The following NXNL2 variants were observed in gnomAD, a reference collection of about 807,000 sequenced individuals.
NXNL2 encodes nucleoredoxin-like protein 2.
Under a neutral mutation model 11.1 loss-of-function variants are expected in NXNL2, and 7 were observed. That is an observed-to-expected ratio of 0.63 (90% CI 0.36 to 1.18). The LOEUF (loss-of-function observed/expected upper bound fraction) is 1.18. Among genes scored for constraint, NXNL2 ranks in the 50% most tolerant of loss-of-function variants. The probability of loss-of-function intolerance (pLI) is 0.02; values close to 1 mark genes in which losing one functional copy is unlikely to be tolerated. For missense variants in NXNL2, 233 were observed against 217.7 expected (o/e 1.07, Z -0.44); for synonymous variants, 109 against 101.8 (o/e 1.07, Z -0.42).
At position 88,537,032 on chromosome 9, in the gene NXNL2, A is replaced by G. The variant is rs894929355; in HGVS notation, c.302+1296A>G. On this transcript the variant is annotated intron_variant, in intron 1 of 1. Transcript: ENST00000375854. ...GAAAGCGAGAGACGATGGCAGTATC[A>G]TTATAGTAATTAGGCACAAAGCTCT... Among the ~76,000 whole-genome samples, 5 of 152,252 alleles carry G rather than the reference A, an allele frequency of 3.3e-5. No homozygotes were observed. The South Asian group carries it at 8.3e-4, about 25-fold the overall frequency.
At chr9:88,577,589 C>T (rs1386074713), downstream of NXNL2, among the ~76,000 whole-genome samples, 5 of 151,218 alleles carry the variant, frequency 3.3e-5, no homozygotes, top group African/African-American at 1.2e-4. Context: ...TGTGTCCTCA[C>T]ATGGCCTTTC....
intron 2 of NXNL2, among the ~76,000 whole-genome samples, chr9:88,574,208 GA>G (rs1218980219): frequency 6.6e-6 from 1 of 152,176 alleles, no homozygotes; most frequent in Non-Finnish European, 1.5e-5. Flanking sequence ...TCAAACACTG[GA>G]AGCAACCCAT....
intron 1 of NXNL2, among the ~76,000 whole-genome samples, chr9:88,560,555 G>A (rs553023952): frequency 6.6e-4 from 100 of 151,998 alleles, no homozygotes; most frequent in Non-Finnish European, 1.1e-3. Flanking sequence ...CACTACCTGC[G>A]ACAAACAGAG....
chr9:88,549,444 G>A (rs1420304919), downstream of NXNL2, among the ~76,000 whole-genome samples: 1 of 152,206 alleles, frequency 6.6e-6, no homozygotes, highest in African/African-American at 2.4e-5. Flanking sequence ...CAAACTCTTT[G>A]AAGCCTCCTG....
chr9:88,578,960 C>T (rs1326283811), downstream of NXNL2, among the ~76,000 whole-genome samples: 1 of 152,230 alleles, frequency 6.6e-6, no homozygotes, highest in Non-Finnish European at 1.5e-5. Flanking sequence ...GTCTATGTGA[C>T]AGCCACTCTG....
At chr9:88,541,559 G>A (rs1829762461) in intron 1 of NXNL2, among the ~76,000 whole-genome samples, 1 of 152,136 alleles carries the variant, frequency 6.6e-6, no homozygotes. Flanking sequence ...CTGTGCCCAG[G>A]CTCGGTAGAG....
At chr9:88,556,893 C>T (rs539719675) in intron 1 of NXNL2, among the ~76,000 whole-genome samples, 40 of 151,902 alleles carry the variant, frequency 2.6e-4, no homozygotes, top group South Asian at 1.3e-3. Flanking sequence ...CTGGCTAACA[C>T]GGTGAAACCC....
At chr9:88,577,303 G>C (rs939455612), downstream of NXNL2, among the ~76,000 whole-genome samples, 7 of 151,912 alleles carry the variant, frequency 4.6e-5, no homozygotes, top group African/African-American at 1.2e-4. Flanking sequence ...GACTGGGCGG[G>C]GGGGGCGGCA....
At chr9:88,577,440 G>A (rs1301773025), downstream of NXNL2, among the ~76,000 whole-genome samples, 1 of 152,124 alleles carries the variant, frequency 6.6e-6, no homozygotes, top group East Asian at 1.9e-4. Flanking sequence ...GCAGGTGCCA[G>A]CTCAGGCTGC....
At chr9:88,581,704 C>T (rs545871171) in intron 1 of NXNL2, among the ~76,000 whole-genome samples, 1 of 152,334 alleles carries the variant, frequency 6.6e-6, no homozygotes, top group South Asian at 2.1e-4. Context: ...GATCCGCCCA[C>T]CTCGGCCTCC....
At chr9:88,548,339 CAAAAAA>C (rs60796870), downstream of NXNL2, among the ~76,000 whole-genome samples, 1 of 31,022 alleles carries the variant, frequency 3.2e-5, no homozygotes, top group African/African-American at 1.2e-4. Flanking sequence ...GACTTTTTCT[CAAAAAA>C]AAAAAAAAAA....
At chr9:88,546,148 CGTGTGTGTGTGTGTGT>C (rs747134247), downstream of NXNL2, among the ~76,000 whole-genome samples, 64 of 147,476 alleles carry the variant, frequency 4.3e-4, no homozygotes, top group Non-Finnish European at 7.4e-4. Flanking sequence ...ACTGAGTGTT[CGTGTGTGTGTGTGTGT>C]GTGTGTGTGT....
At chr9:88,540,294 T>A (rs181624763) in intron 1 of NXNL2, among the ~76,000 whole-genome samples, 3 of 150,464 alleles carry the variant, frequency 2.0e-5, no homozygotes, top group African/African-American at 4.9e-5. Context: ...ATTGTACCAC[T>A]GCACTCCAGT....
At chr9:88,543,150 T>C (rs1829793158) in intron 1 of NXNL2, among the ~76,000 whole-genome samples, 2 of 152,294 alleles carry the variant, frequency 1.3e-5, no homozygotes, top group Non-Finnish European at 1.5e-5. Flanking sequence ...TAAATGTAAA[T>C]GATGTAAAAT....
At chr9:88,571,953 C>A (rs529656308) in intron 2 of NXNL2, among the ~76,000 whole-genome samples, 1 of 152,270 alleles carries the variant, frequency 6.6e-6, no homozygotes, top group Admixed American at 6.5e-5. Flanking sequence ...ACACAGGGCC[C>A]ATGTTTATCT....
In NXNL2 at chr9:88,566,973, C is replaced by CATCTATCTATCTATCT. The variant is rs371496393; in HGVS notation, c.303-4082_303-4067dup. On this transcript the variant is annotated intron_variant, in intron 1 of 2. Coordinates refer to the NXNL2 transcript ENST00000375855. ...AATCTATCATCTTTCTATTATCTATCATCTATCTATCTATCTATCTATCTA... is the reference window on the plus strand; with the variant it reads ...AATCTATCATCTTTCTATTATCTATCATCTATCTATCTATCTATCTATCTATCTATCTATCTATCTA... Among the ~76,000 whole-genome samples the CATCTATCTATCTATCT allele has an allele frequency of 3.4e-3, 422 of 123,548 alleles. 2 individuals are homozygous for CATCTATCTATCTATCT. Among genetic ancestry groups the CATCTATCTATCTATCT allele is most frequent in the Middle Eastern group, 4.5e-3 (1 of 220 alleles). The allele number at this position is 123,548 out of a possible 152,430, so 81.1% of individuals were successfully genotyped here. A position where few individuals can be genotyped will look rare whatever the true frequency, so the allele number is the denominator to read the frequency against.
At chr9:88,580,992 C>T (rs1830403115) in intron 1 of NXNL2, among the ~76,000 whole-genome samples, 1 of 152,168 alleles carries the variant, frequency 6.6e-6, no homozygotes, top group Non-Finnish European at 1.5e-5. Flanking sequence ...ACGTGGTATC[C>T]TCCTCAGTGT....
downstream of NXNL2, among the ~76,000 whole-genome samples, chr9:88,546,411 ATTC>A (rs1277018710): frequency 6.6e-5 from 9 of 137,002 alleles, no homozygotes; most frequent in African/African-American, 2.5e-4. Context: ...CTGAAGACAC[ATTC>A]TTTTTTTTTT....
chr9:88,540,718 A>G (rs1829737416), intron 1 of NXNL2, among the ~76,000 whole-genome samples: 1 of 140,422 alleles, frequency 7.1e-6, no homozygotes. Flanking sequence ...CACCACAGGG[A>G]GCAGGTCCGG....
Sources: gnomAD v4.1 joint callset for allele counts (sites outside exome capture counted in the v4.1 genomes callset) on GRCh38, gnomAD v4.1.1 for gene constraint, MANE v1.5 for transcripts, NCBI Gene and HGNC (gene_info 2026-07-23, HGNC 2026-07-21) for gene names.